Variants in MYCBP2 observed in about 807,000 individuals in gnomAD.
MYCBP2 encodes the protein MYC binding protein 2.
A neutral mutation model predicts 525.3 loss-of-function variants in MYCBP2; 120 were observed. The ratio of observed to expected loss-of-function variants is 0.23; its 90% CI spans 0.20 to 0.27. The LOEUF is 0.27. MYCBP2 is among the 10% of genes least tolerant of loss of function. MYCBP2 has a pLI of 1.00. For missense variants in MYCBP2, 4,149 were observed against 5,657.1 expected, an observed-to-expected ratio of 0.73 and a Z score of 8.55; for synonymous variants, 1,894 against 1,955.8, an observed-to-expected ratio of 0.97 and a Z score of 0.83.
chr13:77,110,926 T>A (rs2048713789), intron 55 of MYCBP2, among the ~76,000 whole-genome samples: 1 of 152,182 alleles, frequency 6.6e-6, no homozygotes, highest in South Asian at 2.1e-4. Flanking sequence ...CTTGAAATTA[T>A]GCCATCATAA....
intron 26 of MYCBP2, among the ~76,000 whole-genome samples, chr13:77,200,503 C>A (rs932995911): frequency 6.6e-6 from 1 of 152,010 alleles, no homozygotes; most frequent in African/African-American, 2.4e-5. Context: ...CCCAATCTAG[C>A]AAGGCAGGCC....
chr13:77,314,871 A>T (rs2080740061), intron 1 of MYCBP2, among the ~76,000 whole-genome samples: 1 of 152,242 alleles, frequency 6.6e-6, no homozygotes, highest in South Asian at 2.1e-4. Context: ...AAAGGGATAG[A>T]TGGAAAATCT....
intron 1 of MYCBP2, among the ~76,000 whole-genome samples, chr13:77,320,158 A>C (rs1471962278): frequency 1.3e-5 from 2 of 152,208 alleles, no homozygotes; most frequent in African/African-American, 4.8e-5. Flanking sequence ...TATTAGATGT[A>C]AACTGCCCCT....
chr13:77,083,756 CT>C (rs1380988581), intron 62 of MYCBP2, among the ~76,000 whole-genome samples: 1 of 152,026 alleles, frequency 6.6e-6, no homozygotes, highest in Non-Finnish European at 1.5e-5. Flanking sequence ...TATGGAATAA[CT>C]TTTTATTATT....
At chr13:77,094,535 A>G (rs1388835006) in intron 58 of MYCBP2, among the ~76,000 whole-genome samples, 1 of 152,162 alleles carries the variant, frequency 6.6e-6, no homozygotes, top group African/African-American at 2.4e-5. Flanking sequence ...AGAGCCCGAC[A>G]TTACTTGGGT....
chr13:77,310,472 C>T (rs1375766876), intron 1 of MYCBP2, among the ~76,000 whole-genome samples: 1 of 152,074 alleles, frequency 6.6e-6, no homozygotes, highest in Non-Finnish European at 1.5e-5. Flanking sequence ...TCTGTGGTTG[C>T]TTTCAAACTA....
intron 1 of MYCBP2, among the ~76,000 whole-genome samples, chr13:77,310,738 C>T (rs549843022): frequency 3.3e-5 from 5 of 151,210 alleles, no homozygotes; most frequent in African/African-American, 1.2e-4. Flanking sequence ...GAAAGGATAC[C>T]AAGCAGGATA....
chr13:77,203,008 C>T (rs902242185), intron 26 of MYCBP2, among the ~76,000 whole-genome samples: 6 of 151,334 alleles, frequency 4.0e-5, no homozygotes, highest in Non-Finnish European at 5.9e-5. Context: ...CCTCTCTCAC[C>T]ACTCCTATTC....
intron 82 of MYCBP2, 76 bp downstream of exon 82, chr13:77,050,921 A>C: frequency 7.8e-7 from 1 of 1,287,410 alleles, no homozygotes; most frequent in Non-Finnish European, 1.1e-6. Context: ...CACTTGAAAC[A>C]GAGCTTTCAT....
chr13:77,067,493 C>T (rs1405818985), intron 71 of MYCBP2, 88 bp downstream of exon 71: 14 of 1,371,560 alleles, frequency 1.0e-5, no homozygotes, highest in Non-Finnish European at 1.4e-5. Flanking sequence ...AGTAACCTAA[C>T]AAGGTAAAAT....
At chr13:77,097,274 C>T in intron 56 of MYCBP2, 96 bp downstream of exon 56, 3 of 1,480,138 alleles carry the variant, frequency 2.0e-6, no homozygotes, top group Non-Finnish European at 2.7e-6. Context: ...TATAAATTCC[C>T]TATCCTTTGA....
intron 55 of MYCBP2, among the ~76,000 whole-genome samples, chr13:77,111,721 C>T (rs2048858687): frequency 6.6e-6 from 1 of 152,062 alleles, no homozygotes; most frequent in Admixed American, 6.6e-5. Context: ...CAGCTTTTCT[C>T]TGGATTCTTT....
chr13:77,054,353 G>T (rs1446988897), intron 80 of MYCBP2, among the ~76,000 whole-genome samples: 1 of 152,136 alleles, frequency 6.6e-6, no homozygotes, highest in Non-Finnish European at 1.5e-5. Flanking sequence ...GGGAGACTGG[G>T]CTACCGTATT....
intron 29 of MYCBP2, among the ~76,000 whole-genome samples, chr13:77,189,959 G>T (rs1327529747): frequency 1.3e-5 from 2 of 151,972 alleles, no homozygotes; most frequent in Non-Finnish European, 2.9e-5. Context: ...TTTGAAATTA[G>T]TAAGAAAATC....
intron 36 of MYCBP2, among the ~76,000 whole-genome samples, chr13:77,175,221 C>G (rs937357100): frequency 3.3e-5 from 5 of 151,590 alleles, no homozygotes; most frequent in African/African-American, 1.2e-4. Flanking sequence ...GTGTGCGCTA[C>G]TGTGCCCGGC....
At chr13:77,132,044 C>G (rs991131716) in intron 52 of MYCBP2, among the ~76,000 whole-genome samples, 1 of 152,004 alleles carries the variant, frequency 6.6e-6, no homozygotes, top group African/African-American at 2.4e-5. Context: ...TTAAGAATAG[C>G]GTATATATAT....
In MYCBP2 at chr13:77,058,856, G is replaced by A. The variant is rs750413277; in HGVS notation, c.13141-450C>T. ...AAAAATTAACCAGGCATGGTGGCGC[G>A]CGCCTGTAATCCCAGCTACTTAGGA... is the stretch of plus-strand genomic sequence containing the variant. On this transcript the variant is annotated intron_variant, in intron 77 of 82. Transcript: ENST00000544440. This position sits in a 1 kb window ranked among gnomAD's most constrained non-coding sequence, Gnocchi z 4.1. Among the ~76,000 whole-genome samples, 6 of 152,020 alleles carry A rather than the reference G, an allele frequency of 3.9e-5. No homozygotes were observed. The highest frequency in any genetic ancestry group is 7.2e-5 in the African/African-American group (3 of 41,384).
chr13:77,105,003 T>C (rs1856033029), intron 55 of MYCBP2, among the ~76,000 whole-genome samples: 1 of 152,086 alleles, frequency 6.6e-6, no homozygotes, highest in Non-Finnish European at 1.5e-5. Context: ...AATAAGGAGT[T>C]TGCAGCTATT....
Position 77,140,935 on chromosome 13 carries a change from G to T in MYCBP2, c.7312C>A (p.Leu2438Met). The T allele has an allele frequency of 1.2e-6, 2 of 1,604,240 alleles. No homozygotes were observed. Among genetic ancestry groups the T allele is most frequent in the South Asian group, 2.3e-5 (2 of 88,656 alleles). The change falls in exon 50 of 83, where the codon CTG (leucine) becomes ATG (methionine). Residue 2438 changes from leucine (L) to methionine (M), a missense_variant. Transcript: ENST00000544440. ...GGTGGGTCTTTTACTTTTACTTCCA[G>T]ACCAGCATCTGTCAGAAAAATCAGA... ...TIDGIEIDAG[L>M]EVKVKDPPKG...
Sources: gnomAD v4.1 joint callset for allele counts (sites outside exome capture counted in the v4.1 genomes callset) on GRCh38, gnomAD v4.1.1 for gene constraint, Gnocchi (gnomAD v3.1) non-coding constraint, MANE v1.5 for transcripts, NCBI Gene and HGNC (gene_info 2026-07-23, HGNC 2026-07-21) for gene names.